The following QKI variants were observed in gnomAD, a reference collection of about 807,000 sequenced individuals.
QKI encodes KH domain-containing RNA-binding protein QKI.
A neutral mutation model predicts 39.0 loss-of-function variants in QKI; 10 were observed. The observed-to-expected ratio is 0.26, with a 90% CI of 0.16 to 0.43. The LOEUF is 0.43. QKI is among the 20% of genes least tolerant of loss of function. The probability of loss-of-function intolerance (pLI) is 1.00; values close to 1 mark genes in which losing one functional copy is unlikely to be tolerated. For synonymous variants in QKI, 204 were observed against 155.4 expected (o/e 1.31, Z -2.33); for missense variants, 218 against 428.0 (o/e 0.51, Z 4.33).
At chr6:163,566,533 C>A in intron 6 of QKI, 188 bp from the exon 7 acceptor site, 1 of 1,424,128 alleles carries the variant, frequency 7.0e-7, no homozygotes, top group South Asian at 1.4e-5. Context: ...GAAATGAATG[C>A]AATATTAATA....
chr6:163,525,564 G>A (rs1167033164), intron 3 of QKI, among the ~76,000 whole-genome samples: 1 of 152,008 alleles, frequency 6.6e-6, no homozygotes, highest in Non-Finnish European at 1.5e-5. Flanking sequence ...TTGCCGTGTC[G>A]GCCAGGCTGG....
chr6:163,546,044 A>G (rs1236130680), intron 4 of QKI, among the ~76,000 whole-genome samples: 1 of 148,250 alleles, frequency 6.7e-6, no homozygotes, highest in East Asian at 1.9e-4. Flanking sequence ...ATATAATTAT[A>G]TAAAATATTA....
intron 3 of QKI, among the ~76,000 whole-genome samples, chr6:163,504,725 T>C (rs927959395): frequency 1.4e-4 from 22 of 152,192 alleles, no homozygotes; most frequent in Non-Finnish European, 3.1e-4. Flanking sequence ...GTGAAGTCAT[T>C]TATCAGTTCC....
intron 1 of QKI, among the ~76,000 whole-genome samples, chr6:163,448,838 A>C (rs1274162907): frequency 6.6e-6 from 1 of 152,102 alleles, no homozygotes; most frequent in East Asian, 1.9e-4. Flanking sequence ...AGCACAGTGA[A>C]GTTAAATTCC....
intron 2 of QKI, among the ~76,000 whole-genome samples, chr6:163,473,270 A>G (rs1792340508): frequency 6.6e-6 from 1 of 152,112 alleles, no homozygotes; most frequent in South Asian, 2.1e-4. Flanking sequence ...CATGGGGGAA[A>G]GGGGCTCTAA....
At chr6:163,421,864 C>T (rs1788018257) in intron 1 of QKI, among the ~76,000 whole-genome samples, 1 of 152,012 alleles carries the variant, frequency 6.6e-6, no homozygotes, top group African/African-American at 2.4e-5. Flanking sequence ...CCTCCCTCAG[C>T]CTCCCGAGTA....
intron 7 of QKI, chr6:163,569,859 T>A: frequency 1.0e-6 from 1 of 987,948 alleles, no homozygotes; most frequent in Non-Finnish European, 1.2e-6. Context: ...ATTTCTTCTA[T>A]TTTTTGATGT....
chr6:163,498,481 G>GC (rs1778546390), intron 3 of QKI, among the ~76,000 whole-genome samples: 2 of 152,034 alleles, frequency 1.3e-5, no homozygotes, highest in South Asian at 4.1e-4. Flanking sequence ...ACCTCACTTA[G>GC]CCATGTGTAG....
At chr6:163,457,355 C>G in intron 2 of QKI, 1 of 455,996 alleles carries the variant, frequency 2.2e-6, no homozygotes, top group Non-Finnish European at 4.4e-6. Context: ...CACCTGTTCA[C>G]TATATTCCTT....
intron 2 of QKI, chr6:163,457,411 T>C (rs1057089353): frequency 6.6e-6 from 3 of 455,942 alleles, no homozygotes; most frequent in Non-Finnish European, 1.3e-5. Flanking sequence ...GAACTACTAT[T>C]ACCGACTGGT....
At chr6:163,455,496 ATACT>A (rs1790849923) in intron 2 of QKI, 75 bp downstream of exon 2, 1 of 1,393,554 alleles carries the variant, frequency 7.2e-7, no homozygotes, top group Non-Finnish European at 9.8e-7. Flanking sequence ...TTGGTGGTAA[ATACT>A]TAAGCATTAT....
chr6:163,448,085 G>A (rs998159258), intron 1 of QKI, among the ~76,000 whole-genome samples: 4 of 152,098 alleles, frequency 2.6e-5, no homozygotes, highest in African/African-American at 9.7e-5. Flanking sequence ...AGGTACTTCT[G>A]TAATACAGAA....
At chr6:163,480,581 C>T (rs554231460) in intron 3 of QKI, among the ~76,000 whole-genome samples, 6 of 152,142 alleles carry the variant, frequency 3.9e-5, no homozygotes, top group African/African-American at 1.4e-4. Flanking sequence ...ATAATGTATT[C>T]CTTGTCAACT....
intron 3 of QKI, among the ~76,000 whole-genome samples, chr6:163,522,568 C>G (rs1423538135): frequency 1.3e-5 from 2 of 152,036 alleles, no homozygotes; most frequent in Non-Finnish European, 2.9e-5. Flanking sequence ...CTCCAGTGAG[C>G]AAATGAAAAT....
intron 4 of QKI, among the ~76,000 whole-genome samples, chr6:163,540,319 T>C (rs1781434610): frequency 6.6e-6 from 1 of 152,168 alleles, no homozygotes; most frequent in Admixed American, 6.6e-5. Flanking sequence ...TTTTGTGTTT[T>C]TCCATCTGCA....
intron 2 of QKI, among the ~76,000 whole-genome samples, chr6:163,475,661 G>A (rs770629098): frequency 1.4e-4 from 21 of 152,130 alleles, no homozygotes; most frequent in East Asian, 5.8e-4. Flanking sequence ...AGTGACATTC[G>A]TATATTTAAT....
chr6:163,577,053 A>T lies in QKI; in HGVS notation c.*6343A>T, dbSNP rs1470672604. 1 of 152,212 alleles carries T rather than the reference A, an allele frequency of 6.6e-6. No individual in the cohort carries two copies. The allele number at this position is 152,212 out of a possible 1,614,324, so 9.4% of individuals were successfully genotyped here. On this transcript the variant is annotated 3_prime_UTR_variant, in exon 8 of 8. Coordinates refer to ENST00000361752, the MANE Select transcript of QKI (RefSeq NM_006775.3). Reference sequence around the variant, plus strand: ...TGATTTCATCAGCTTCATGAAAAGGACTAGTGTCATTAACCTGTTGAACAG... The same window carrying T: ...TGATTTCATCAGCTTCATGAAAAGGTCTAGTGTCATTAACCTGTTGAACAG...
chr6:163,564,652 GC>G, intron 6 of QKI: 2 of 1,613,894 alleles, frequency 1.2e-6, no homozygotes, highest in South Asian at 2.2e-5. Flanking sequence ...CATTACTGAT[GC>G]CTTTTTTTTA....
intron 2 of QKI, among the ~76,000 whole-genome samples, chr6:163,460,812 A>G (rs1466225743): frequency 1.3e-5 from 2 of 152,170 alleles, no homozygotes; most frequent in Admixed American, 6.5e-5. Flanking sequence ...ATTTAATGAT[A>G]TTCAAAGTCT....
Sources: gnomAD v4.1 joint callset for allele counts (sites outside exome capture counted in the v4.1 genomes callset) on GRCh38, gnomAD v4.1.1 for gene constraint, MANE v1.5 for transcripts, NCBI Gene and HGNC (gene_info 2026-07-23, HGNC 2026-07-21) for gene names.